GPN1: variants seen among roughly 807,000 people sequenced by gnomAD.
GPN1 encodes GPN-loop GTPase 1.
Under a neutral mutation model 55.9 loss-of-function variants are expected in GPN1, and 44 were observed. The ratio of observed to expected loss-of-function variants is 0.79; its 90% CI spans 0.62 to 1.01. The LOEUF (loss-of-function observed/expected upper bound fraction) is 1.01, where lower values mean the gene tolerates loss of function less well. Among genes scored for constraint, GPN1 ranks in the 50% least tolerant of loss-of-function variants. The pLI, the probability that GPN1 is intolerant of heterozygous loss-of-function variation, is 0.00. For synonymous variants in GPN1, 179 were observed against 162.5 expected (o/e 1.10, Z -0.77); for missense variants, 466 against 462.8 (o/e 1.01, Z -0.06).
chr2:27,638,172 G>A (rs879103840), intron 7 of GPN1, 38 bp from the exon 8 acceptor site: 2 of 1,160,968 alleles, frequency 1.7e-6, no homozygotes, highest in Non-Finnish European at 2.6e-6. Context: ...AAGAGCTTAT[G>A]TGCTTTTACT....
chr2:27,635,365 C>T, intron 7 of GPN1, 131 bp downstream of exon 7: 1 of 580,068 alleles, frequency 1.7e-6, no homozygotes, highest in East Asian at 3.0e-5. Flanking sequence ...ATTTGCTGTT[C>T]AGTTGAGTGG....
chr2:27,632,590 G>C (rs770148504), intron 4 of GPN1, 43 bp from the exon 5 acceptor site: 1 of 1,437,368 alleles, frequency 7.0e-7, no homozygotes, highest in Non-Finnish European at 9.8e-7. Flanking sequence ...GTGATTTTGT[G>C]TTGAAATCGG....
chr2:27,651,127 T>C lies in GPN1; in HGVS notation c.*927T>C, dbSNP rs142156179. On this transcript the variant is annotated 3_prime_UTR_variant, in exon 14 of 14. Coordinates refer to ENST00000610189, the MANE Select transcript of GPN1 (RefSeq NM_007266.4). ...CACATTTCATACATAACAGCCCTTA[T>C]AAACGTTTGCCCTGCCTCCACATTT... 3 of 152,504 alleles carry C rather than the reference T, an allele frequency of 2.0e-5. No individual in the cohort carries two copies. Among genetic ancestry groups the C allele is most frequent in the African/African-American group, 7.2e-5 (3 of 41,586 alleles). The allele number at this position is 152,504 out of a possible 1,614,324, so 9.4% of individuals were successfully genotyped here. A position where few individuals can be genotyped will look rare whatever the true frequency, so the allele number is the denominator to read the frequency against.
intron 7 of GPN1, among the ~76,000 whole-genome samples, chr2:27,637,327 G>A (rs1195165722): frequency 6.6e-6 from 1 of 151,462 alleles, no homozygotes; most frequent in African/African-American, 2.4e-5. Context: ...ACTTTGAGTA[G>A]TCTAAGAGTA....
intron 8 of GPN1, 111 bp from the exon 9 acceptor site, chr2:27,638,774 G>C: frequency 2.3e-6 from 2 of 864,558 alleles, no homozygotes; most frequent in Admixed American, 2.7e-5. Flanking sequence ...AATAGAAGCA[G>C]AGAAAGAAAA....
rs1674504836 is a variant in GPN1 at position 27,650,914 on chromosome 2, C to T, written c.*714C>T. 1 of 152,754 alleles carries T rather than the reference C, an allele frequency of 6.5e-6. No homozygotes were observed. Among genetic ancestry groups the T allele is most frequent in the Non-Finnish European group, 1.5e-5 (1 of 68,038 alleles). The allele number at this position is 152,754 out of a possible 1,614,324, so 9.5% of individuals were successfully genotyped here. A position where few individuals can be genotyped will look rare whatever the true frequency, so the allele number is the denominator to read the frequency against. On this transcript the variant is annotated 3_prime_UTR_variant, in exon 14 of 14. Transcript: ENST00000610189. ...TATATAATTGCAAACAGCTTCACTT[C>T]TCCTGTTCAACAGAGGCTTAAGGCC...
rs1006132112 is a variant in GPN1, at chr2:27,629,100, G to T, written c.42G>T (p.Gly14=). ...CTGCCGCTGAGCTCCAGGCTTCTGG[G>T]GGTCCGCGGCACCCAGTGTGTCTGT... is the stretch of plus-strand genomic sequence containing the variant. ...SAAAAELQAS[G]GPRHPVCLLV... is the part of the protein sequence containing the mutation. Residue 14 remains glycine, a synonymous_variant, in exon 1 of 14, where the codon GGG becomes GGT. Coordinates refer to ENST00000610189, the MANE Select transcript of GPN1 (RefSeq NM_007266.4). The T allele has an allele frequency of 6.2e-7, 1 of 1,614,128 alleles. No homozygotes were observed. The highest frequency in any genetic ancestry group is 8.5e-7 in the Non-Finnish European group (1 of 1,180,052).
At chr2:27,631,447 T>C in intron 3 of GPN1, 1 of 415,400 alleles carries the variant, frequency 2.4e-6, no homozygotes, top group South Asian at 2.8e-5. Context: ...AAATGTGTAC[T>C]CTCTCCGTAG....
intron 7 of GPN1, among the ~76,000 whole-genome samples, chr2:27,636,880 G>A (rs527492764): frequency 3.3e-5 from 5 of 151,970 alleles, no homozygotes; most frequent in East Asian, 1.9e-4. Context: ...GTGGGGTCTC[G>A]CCATGCTGCC....
At chr2:27,639,102 A>C (rs968370476) in intron 9 of GPN1, 71 bp downstream of exon 9, 4 of 1,256,654 alleles carry the variant, frequency 3.2e-6, no homozygotes, top group Non-Finnish European at 4.4e-6. Flanking sequence ...TTGGCTTTGA[A>C]CCTGGCTGAG....
intron 9 of GPN1, among the ~76,000 whole-genome samples, chr2:27,639,607 C>A (rs1216063752): frequency 6.6e-6 from 1 of 151,994 alleles, no homozygotes; most frequent in East Asian, 1.9e-4. Flanking sequence ...GCAGCCTTGA[C>A]CTCGTGGTCT....
chr2:27,629,408 G>T, intron 1 of GPN1: 1 of 1,551,168 alleles, frequency 6.4e-7, no homozygotes, highest in Non-Finnish European at 8.7e-7. Flanking sequence ...CGTTGTACAG[G>T]AATTGTCTTG....
intron 2 of GPN1, among the ~76,000 whole-genome samples, chr2:27,630,730 G>A (rs1204841066): frequency 1.3e-5 from 2 of 152,190 alleles, no homozygotes; most frequent in Non-Finnish European, 2.9e-5. Context: ...TAGGCAATTA[G>A]TAAGAAGCAT....
intron 5 of GPN1, among the ~76,000 whole-genome samples, chr2:27,634,484 ATTC>A (rs1209214518): frequency 2.6e-5 from 4 of 152,130 alleles, no homozygotes; most frequent in Non-Finnish European, 5.9e-5. Context: ...CATTCCTCCC[ATTC>A]TTCTTCCTCT....
upstream of GPN1, chr2:27,628,369 A>C (rs879579414): frequency 3.3e-6 from 5 of 1,526,820 alleles, no homozygotes; most frequent in Non-Finnish European, 3.5e-6. Context: ...GGAGGGGAGG[A>C]AGCTCCCCTC....
At chr2:27,648,149 T>C (rs1205786763) in intron 13 of GPN1, among the ~76,000 whole-genome samples, 1 of 152,218 alleles carries the variant, frequency 6.6e-6, no homozygotes, top group Non-Finnish European at 1.5e-5. Flanking sequence ...GTTGGTCTTG[T>C]GTCTTCTTAT....
rs1673720833 is a variant in GPN1, at chr2:27,636,062, AAAAATT to A, written c.524+830_524+835del. Among the ~76,000 whole-genome samples, 6 of 151,900 alleles carry A rather than the reference AAAAATT, an allele frequency of 3.9e-5. No individual in the cohort carries two copies. In the South Asian group the frequency reaches 1.3e-3, roughly 32 times the overall value. Reference sequence around the variant, plus strand: ...AAACCCCATCTCTACAAAATATACAAAAAATTAGCCAGGGATGGTGGTGTGTGCCTG... The same window carrying A: ...AAACCCCATCTCTACAAAATATACAAAGCCAGGGATGGTGGTGTGTGCCTG... On this transcript the variant is annotated intron_variant, in intron 7 of 13. Transcript: ENST00000610189.
At chr2:27,633,856 A>G (rs2148066087) in intron 5 of GPN1, among the ~76,000 whole-genome samples, 1 of 151,706 alleles carries the variant, frequency 6.6e-6, no homozygotes, top group African/African-American at 2.4e-5. Flanking sequence ...TTTAAAGTGT[A>G]TGGTTGTTTT....
chr2:27,641,921 G>T (rs1352283937), intron 11 of GPN1: 2 of 153,558 alleles, frequency 1.3e-5, no homozygotes, highest in East Asian at 3.8e-4. Context: ...AAATGATCGA[G>T]TGTCCTGCTT....
Sources: allele counts gnomAD v4.1 joint callset (sites outside exome capture counted in the v4.1 genomes callset), GRCh38; gene constraint gnomAD v4.1.1; transcripts MANE v1.5; gene names NCBI Gene and HGNC (gene_info 2026-07-23, HGNC 2026-07-21).